Variants in SRGAP1 observed in about 807,000 individuals in gnomAD.
The protein encoded by SRGAP1 is SLIT-ROBO Rho GTPase activating protein 1.
SRGAP1 carries 43 observed loss-of-function variants against 121.9 expected under a neutral mutation model. The ratio of observed to expected loss-of-function variants is 0.35; its 90% confidence interval spans 0.28 to 0.46. The LOEUF is 0.46. Ranked by LOEUF, SRGAP1 falls within the 20% of genes least tolerant of loss-of-function variation. The probability of loss-of-function intolerance (pLI) is 1.00; values close to 1 mark genes in which losing one functional copy is unlikely to be tolerated. For missense variants in SRGAP1, 1,102 were observed against 1,350.9 expected, an observed-to-expected ratio of 0.82 and a Z score of 2.89; for synonymous variants, 447 against 485.4, an observed-to-expected ratio of 0.92 and a Z score of 1.04.
intron 2 of SRGAP1, among the ~76,000 whole-genome samples, chr12:63,986,631 T>C (rs2033423381): frequency 6.6e-6 from 1 of 152,142 alleles, no homozygotes; most frequent in Non-Finnish European, 1.5e-5. Flanking sequence ...CCATGCTGGC[T>C]AGGCTGGTCT....
intron 21 of SRGAP1, among the ~76,000 whole-genome samples, chr12:64,135,949 C>T (rs1012171513): frequency 6.6e-6 from 1 of 152,228 alleles, no homozygotes; most frequent in African/African-American, 2.4e-5. Context: ...AACTGAAGAA[C>T]TTGGAGTCTG....
In SRGAP1 at chr12:64,111,874, C is replaced by T; in HGVS notation, c.2032C>T (p.His678Tyr). Residue 678 changes from histidine to tyrosine, a missense_variant, in exon 17 of 22, where the codon CAT becomes TAT. This residue lies in a region of SRGAP1 where 747 missense variants were observed against 929.4 expected (regional missense o/e 0.80). Transcript: ENST00000355086. ...EIQDQVSCQAHVNEIIKTIII... is the reference protein window; with the variant it reads ...EIQDQVSCQAYVNEIIKTIII... Reference sequence around the variant, plus strand: ...ACAGGATCAAGTGTCTTGCCAGGCACATGTGAATGAAATTATCAAAACCAT... The same window carrying T: ...ACAGGATCAAGTGTCTTGCCAGGCATATGTGAATGAAATTATCAAAACCAT... 1.2e-6 allele frequency: 2 copies of T among 1,613,976 alleles called. No individual in the cohort carries two copies.
intron 1 of SRGAP1, among the ~76,000 whole-genome samples, chr12:63,908,108 A>T (rs969906353): frequency 1.5e-4 from 23 of 152,106 alleles, no homozygotes; most frequent in African/African-American, 5.1e-4. Flanking sequence ...TATCTTGATT[A>T]ATTGTAGCTT....
intron 4 of SRGAP1, among the ~76,000 whole-genome samples, chr12:64,041,235 A>C (rs1469616514): frequency 6.6e-6 from 1 of 152,138 alleles, no homozygotes; most frequent in Non-Finnish European, 1.5e-5. Flanking sequence ...TTATGTTTAG[A>C]AGAATATTTA....
At chr12:63,906,383 C>T (rs748830798) in intron 1 of SRGAP1, among the ~76,000 whole-genome samples, 12 of 150,626 alleles carry the variant, frequency 8.0e-5, no homozygotes, top group South Asian at 2.1e-4. Context: ...GGTGAGATCT[C>T]GGCTCACTGC....
At chr12:63,912,796 A>C (rs1375693266) in intron 1 of SRGAP1, among the ~76,000 whole-genome samples, 1 of 152,292 alleles carries the variant, frequency 6.6e-6, no homozygotes, top group East Asian at 1.9e-4. Flanking sequence ...AACATTTTAG[A>C]GGTAGTTCAG....
chr12:63,967,625 CT>C (rs2032826425), intron 1 of SRGAP1, among the ~76,000 whole-genome samples: 1 of 152,074 alleles, frequency 6.6e-6, no homozygotes, highest in African/African-American at 2.4e-5. Context: ...CAGGAATGGG[CT>C]TGGGGGGATT....
chr12:64,079,227 T>A, intron 9 of SRGAP1, 111 bp downstream of exon 9: 1 of 1,130,860 alleles, frequency 8.8e-7, no homozygotes, highest in Non-Finnish European at 1.3e-6. Context: ...TAAAATAGAC[T>A]CCTGTCTACC....
At chr12:63,920,460 C>G (rs545215611) in intron 1 of SRGAP1, among the ~76,000 whole-genome samples, 1 of 152,196 alleles carries the variant, frequency 6.6e-6, no homozygotes, top group South Asian at 2.1e-4. Context: ...GCTAGTTCTC[C>G]TAGAACCTGG....
chr12:64,109,068 C>T (rs773172232), intron 16 of SRGAP1, 31 bp downstream of exon 16: 1 of 1,381,086 alleles, frequency 7.2e-7, no homozygotes, highest in Non-Finnish European at 9.9e-7. Flanking sequence ...ACAAAAGGCC[C>T]ATCTGAATTC....
chr12:64,106,365 A>G (rs926431927), intron 15 of SRGAP1, among the ~76,000 whole-genome samples: 1 of 152,234 alleles, frequency 6.6e-6, no homozygotes, highest in African/African-American at 2.4e-5. Context: ...TAAAGCAGCA[A>G]CAACATTACA....
intron 1 of SRGAP1, among the ~76,000 whole-genome samples, chr12:63,964,684 A>G (rs2136383880): frequency 6.6e-6 from 1 of 152,270 alleles, no homozygotes; most frequent in East Asian, 1.9e-4. Flanking sequence ...TTACTTGTGG[A>G]TGGCTTGAGA....
intron 1 of SRGAP1, among the ~76,000 whole-genome samples, chr12:63,874,093 A>C (rs1899950003): frequency 6.6e-6 from 1 of 152,148 alleles, no homozygotes; most frequent in South Asian, 2.1e-4. Context: ...GAGACAGAGA[A>C]AGAAAGGAAA....
chr12:63,859,723 A>C (rs1899382723), intron 1 of SRGAP1, among the ~76,000 whole-genome samples: 1 of 152,208 alleles, frequency 6.6e-6, no homozygotes, highest in Non-Finnish European at 1.5e-5. Context: ...CACTTCTAAC[A>C]TAAACACCTT....
At chr12:63,853,378 C>G (rs147650988) in intron 1 of SRGAP1, among the ~76,000 whole-genome samples, 1 of 152,176 alleles carries the variant, frequency 6.6e-6, no homozygotes, top group African/African-American at 2.4e-5. Context: ...TAGAAAGTCA[C>G]TCAGCTGGAA....
chr12:64,080,199 C>T (rs1439869853), intron 9 of SRGAP1, 87 bp from the exon 10 acceptor site: 15 of 1,077,998 alleles, frequency 1.4e-5, no homozygotes, highest in African/African-American at 3.2e-5. Flanking sequence ...GCCAAGATCG[C>T]GCCACTGCAC....
intron 3 of SRGAP1, among the ~76,000 whole-genome samples, chr12:63,992,421 C>T (rs965367578): frequency 1.3e-5 from 2 of 152,096 alleles, no homozygotes; most frequent in African/African-American, 4.8e-5. Context: ...AGAGGCTGCA[C>T]CTGTGAGTGC....
chr12:64,008,186 T>C (rs1179725974), intron 3 of SRGAP1, among the ~76,000 whole-genome samples: 1 of 152,210 alleles, frequency 6.6e-6, no homozygotes, highest in African/African-American at 2.4e-5. Flanking sequence ...AAGTTAAATA[T>C]ATTTAAACAG....
chr12:64,078,362 C>T (rs1024849363), intron 8 of SRGAP1, among the ~76,000 whole-genome samples: 1 of 152,082 alleles, frequency 6.6e-6, no homozygotes, highest in Non-Finnish European at 1.5e-5. Flanking sequence ...GTGTATCTCA[C>T]GTTGAGCAAA....
Sources: gnomAD v4.1 joint callset for allele counts (sites outside exome capture counted in the v4.1 genomes callset) on GRCh38, gnomAD v4.1.1 for gene constraint, gnomAD v4.1.1 regional missense constraint, MANE v1.5 for transcripts, NCBI Gene and HGNC (gene_info 2026-07-23, HGNC 2026-07-21) for gene names.